The following SPATA17 variants were observed in gnomAD, a reference collection of about 807,000 sequenced individuals.
SPATA17 encodes the protein spermatogenesis-associated protein 17.
SPATA17 carries 53 observed loss-of-function variants against 62.2 expected under a neutral mutation model. The ratio of observed to expected loss-of-function variants is 0.85; its 90% CI spans 0.68 to 1.07. The LOEUF is 1.07. Ranked by LOEUF, SPATA17 falls within the 50% of genes least tolerant of loss-of-function variation. SPATA17 has a pLI of 0.00. For missense variants in SPATA17, 466 were observed against 425.5 expected, an observed-to-expected ratio of 1.10 and a Z score of -0.84; for synonymous variants, 146 against 146.8, an observed-to-expected ratio of 0.99 and a Z score of 0.04.
At chr1:217,834,142 TACTC>T (rs1183495586) in intron 9 of SPATA17, among the ~76,000 whole-genome samples, 1 of 152,166 alleles carries the variant, frequency 6.6e-6, no homozygotes, top group Non-Finnish European at 1.5e-5. Context: ...CACATTGCAT[TACTC>T]ACACATCTGG....
At chr1:217,751,695 T>C (rs1031936183) in intron 6 of SPATA17, among the ~76,000 whole-genome samples, 4 of 152,216 alleles carry the variant, frequency 2.6e-5, no homozygotes, top group African/African-American at 9.6e-5. Flanking sequence ...TCTTGTTGTG[T>C]TTTCAAATGA....
chr1:217,648,325 C>T (rs1670235450), intron 1 of SPATA17, among the ~76,000 whole-genome samples: 1 of 152,170 alleles, frequency 6.6e-6, no homozygotes, highest in African/African-American at 2.4e-5. Context: ...ATCTGGATCA[C>T]TGACTTGAAT....
intron 5 of SPATA17, among the ~76,000 whole-genome samples, chr1:217,696,981 G>C (rs1161037687): frequency 1.3e-5 from 2 of 152,086 alleles, no homozygotes; most frequent in African/African-American, 4.8e-5. Context: ...TTTACTTGCA[G>C]GTGACTCCTC....
intron 6 of SPATA17, among the ~76,000 whole-genome samples, chr1:217,756,572 T>A (rs1673048980): frequency 6.6e-6 from 1 of 152,224 alleles, no homozygotes; most frequent in Admixed American, 6.5e-5. Context: ...TTTTAAGAGT[T>A]CTGTTCACTT....
chr1:217,779,842 GT>G (rs1178644594), intron 7 of SPATA17, among the ~76,000 whole-genome samples: 1 of 151,970 alleles, frequency 6.6e-6, no homozygotes, highest in East Asian at 1.9e-4. Flanking sequence ...CAATTTTATG[GT>G]TTTAATAATG....
intron 6 of SPATA17, among the ~76,000 whole-genome samples, chr1:217,759,256 C>T (rs1268293485): frequency 1.3e-5 from 2 of 152,014 alleles, no homozygotes; most frequent in African/African-American, 2.4e-5. Flanking sequence ...GTCAGGAGTT[C>T]GAGACCAGCC....
At chr1:217,694,763 G>A (rs1254023298) in intron 5 of SPATA17, among the ~76,000 whole-genome samples, 11 of 148,320 alleles carry the variant, frequency 7.4e-5, no homozygotes, top group South Asian at 4.3e-4. Context: ...GCTTAGTTTG[G>A]CTGGATATGA....
chr1:217,827,611 A>C (rs1025765177), intron 9 of SPATA17, among the ~76,000 whole-genome samples: 17 of 152,186 alleles, frequency 1.1e-4, no homozygotes, highest in Non-Finnish European at 2.4e-4. Flanking sequence ...TACTCACAAT[A>C]GCAAAGACAT....
chr1:217,837,822 T>A (rs183071003), intron 9 of SPATA17, among the ~76,000 whole-genome samples: 1 of 152,296 alleles, frequency 6.6e-6, no homozygotes, highest in Non-Finnish European at 1.5e-5. Context: ...GTCCCATTTG[T>A]TGAGTATGTA....
At chr1:217,744,715 G>A (rs1298341799) in intron 6 of SPATA17, among the ~76,000 whole-genome samples, 1 of 151,972 alleles carries the variant, frequency 6.6e-6, no homozygotes, top group Non-Finnish European at 1.5e-5. Context: ...TATTTTTGAG[G>A]CACTATGGCA....
chr1:217,744,633 A>G (rs1475989403), intron 6 of SPATA17, among the ~76,000 whole-genome samples: 1 of 152,132 alleles, frequency 6.6e-6, no homozygotes, highest in African/African-American at 2.4e-5. Context: ...AGCTGCTGAT[A>G]ATATCAATGT....
At chr1:217,669,998 A>G (rs1670796758) in intron 4 of SPATA17, among the ~76,000 whole-genome samples, 1 of 152,184 alleles carries the variant, frequency 6.6e-6, no homozygotes, top group East Asian at 1.9e-4. Flanking sequence ...GAAAAATATA[A>G]AAGGAAGAAG....
At chr1:217,689,100 G>A (rs866444765) in intron 5 of SPATA17, among the ~76,000 whole-genome samples, 5 of 151,986 alleles carry the variant, frequency 3.3e-5, no homozygotes, top group African/African-American at 1.2e-4. Context: ...TCAGGTACTA[G>A]GTTAAATGTT....
intron 5 of SPATA17, among the ~76,000 whole-genome samples, chr1:217,738,520 C>G (rs1480714618): frequency 6.6e-6 from 1 of 152,208 alleles, no homozygotes; most frequent in Non-Finnish European, 1.5e-5. Flanking sequence ...ATTAACTTAT[C>G]TCATCCTCAC....
rs544210234 is a variant in SPATA17 at position 217,689,406 on chromosome 1, A to G, written c.395+6045A>G. Among the ~76,000 whole-genome samples, 13 of 151,712 alleles carry G rather than the reference A, an allele frequency of 8.6e-5. No homozygotes were observed. The South Asian group carries it at 1.0e-3, about 12-fold the overall frequency. On this transcript the variant is annotated intron_variant, in intron 5 of 10. Coordinates refer to ENST00000366933, the MANE Select transcript of SPATA17 (RefSeq NM_138796.4). ...ACGCCCGGCTAATTTTCATATTTTT[A>G]ATAGAGATGGGGTTTCGCCATGTTG...
chr1:217,684,707 C>T (rs538635333), intron 5 of SPATA17, among the ~76,000 whole-genome samples: 41 of 152,252 alleles, frequency 2.7e-4, no homozygotes, highest in South Asian at 1.0e-3. Flanking sequence ...TGAGCCACTG[C>T]GCCCAGCCCC....
intron 6 of SPATA17, among the ~76,000 whole-genome samples, chr1:217,752,501 C>T (rs928437974): frequency 3.3e-5 from 5 of 152,190 alleles, no homozygotes; most frequent in African/African-American, 1.2e-4. Context: ...TTGATTGCTT[C>T]TTTTTTGACA....
intron 5 of SPATA17, among the ~76,000 whole-genome samples, chr1:217,684,642 C>T (rs1221131026): frequency 6.6e-6 from 1 of 152,116 alleles, no homozygotes; most frequent in East Asian, 1.9e-4. Context: ...TCTTGAACTC[C>T]TGACCTCAGG....
intron 10 of SPATA17, chr1:217,866,400 A>G (rs1464464400): frequency 4.6e-5 from 7 of 152,096 alleles, no homozygotes; most frequent in Non-Finnish European, 8.8e-5. Context: ...TAGACATTCC[A>G]TATGTCTAGT....
Sources: gnomAD v4.1 joint callset for allele counts (sites outside exome capture counted in the v4.1 genomes callset) on GRCh38, gnomAD v4.1.1 for gene constraint, MANE v1.5 for transcripts, NCBI Gene and HGNC (gene_info 2026-07-23, HGNC 2026-07-21) for gene names.